The following KCNH8 variants were observed in gnomAD, a reference collection of about 807,000 sequenced individuals.
The protein encoded by KCNH8 is voltage-gated delayed rectifier potassium channel KCNH8.
KCNH8 carries 70 observed loss-of-function variants against 103.6 expected under a neutral mutation model. The observed-to-expected ratio is 0.68, with a 90% confidence interval of 0.56 to 0.82. KCNH8 has a LOEUF of 0.82. KCNH8 is among the 40% of genes least tolerant of loss of function. The pLI, the probability that KCNH8 is intolerant of heterozygous loss-of-function variation, is 0.00. For synonymous variants in KCNH8, 498 were observed against 489.4 expected (o/e 1.02, Z -0.23); for missense variants, 1,217 against 1,329.9 (o/e 0.92, Z 1.32).
At chr3:19,192,355 G>A (rs536430218) in intron 1 of KCNH8, among the ~76,000 whole-genome samples, 78 of 151,662 alleles carry the variant, frequency 5.1e-4, no homozygotes, top group African/African-American at 1.7e-3. Context: ...CAACCTTAAA[G>A]AGTCAGCTAC....
intron 11 of KCNH8, among the ~76,000 whole-genome samples, chr3:19,477,402 A>G (rs1431090108): frequency 6.6e-6 from 1 of 151,630 alleles, no homozygotes; most frequent in Non-Finnish European, 1.5e-5. Flanking sequence ...TTAACAATGA[A>G]TGTGAGGATT....
chr3:19,370,767 A>T (rs1304998895), intron 5 of KCNH8, among the ~76,000 whole-genome samples: 1 of 28,368 alleles, frequency 3.5e-5, no homozygotes, highest in Non-Finnish European at 8.1e-5. Context: ...ACCTCCCCCC[A>T]CCCAACAACA....
At chr3:19,333,268 T>C (rs111752483) in intron 3 of KCNH8, among the ~76,000 whole-genome samples, 1,747 of 152,306 alleles carry the variant, frequency 0.011, 19 homozygotes, top group South Asian at 0.037. Context: ...GTCAGATTAG[T>C]GGTTTAGAAA....
intron 5 of KCNH8, among the ~76,000 whole-genome samples, chr3:19,353,164 C>A (rs1292692874): frequency 6.6e-5 from 10 of 152,144 alleles, no homozygotes; most frequent in Non-Finnish European, 1.5e-4. Flanking sequence ...GACACATACA[C>A]CCTCCCAAGG....
intron 1 of KCNH8, among the ~76,000 whole-genome samples, chr3:19,215,117 TC>T (rs2063806046): frequency 6.6e-6 from 1 of 152,326 alleles, no homozygotes; most frequent in Admixed American, 6.5e-5. Context: ...CCTTCCCAGT[TC>T]CTTGAAGTGA....
chr3:19,162,510 CAAAAAG>C (rs113270650), intron 1 of KCNH8, among the ~76,000 whole-genome samples: 5 of 148,842 alleles, frequency 3.4e-5, no homozygotes, highest in South Asian at 2.1e-4. Flanking sequence ...CCTTCTCAAA[CAAAAAG>C]AAAAAGAAAA....
chr3:19,157,447 T>G (rs2063191533), intron 1 of KCNH8, among the ~76,000 whole-genome samples: 2 of 152,140 alleles, frequency 1.3e-5, no homozygotes, highest in Non-Finnish European at 2.9e-5. Context: ...TGTCCTTCTC[T>G]CTCAACAAAT....
chr3:19,352,281 A>G (rs1413406008), intron 5 of KCNH8, among the ~76,000 whole-genome samples: 1 of 152,144 alleles, frequency 6.6e-6, no homozygotes, highest in Non-Finnish European at 1.5e-5. Context: ...CAGAATAATA[A>G]TGGGAGACTT....
chr3:19,181,366 A>G (rs970502480), intron 1 of KCNH8, among the ~76,000 whole-genome samples: 1 of 152,180 alleles, frequency 6.6e-6, no homozygotes, highest in African/African-American at 2.4e-5. Context: ...AGCAGAAAGA[A>G]AGGAGGAGGA....
At chr3:19,371,157 T>C (rs1442758747) in intron 5 of KCNH8, among the ~76,000 whole-genome samples, 2 of 149,952 alleles carry the variant, frequency 1.3e-5, no homozygotes, top group African/African-American at 2.4e-5. Context: ...ATGGTATTTC[T>C]AGTTCTAGAT....
intron 5 of KCNH8, among the ~76,000 whole-genome samples, chr3:19,372,253 G>C (rs2125117152): frequency 6.6e-6 from 1 of 152,070 alleles, no homozygotes; most frequent in African/African-American, 2.4e-5. Flanking sequence ...AGCATGGAAT[G>C]TTCTTCCATT....
intron 3 of KCNH8, among the ~76,000 whole-genome samples, chr3:19,316,985 TC>T (rs1016395098): frequency 1.7e-4 from 26 of 151,978 alleles, no homozygotes; most frequent in Non-Finnish European, 7.4e-5. Flanking sequence ...CATCTTCTGT[TC>T]TTCTTTTTTC....
chr3:19,417,195 AAT>A (rs911870907), intron 7 of KCNH8, among the ~76,000 whole-genome samples: 309 of 147,886 alleles, frequency 2.1e-3, no homozygotes, highest in Non-Finnish European at 3.8e-3. Context: ...ATTTTGGAAG[AAT>A]ATATATATAT....
intron 5 of KCNH8, among the ~76,000 whole-genome samples, chr3:19,369,965 T>A (rs1243289059): frequency 1.3e-5 from 2 of 152,004 alleles, no homozygotes; most frequent in African/African-American, 4.8e-5. Flanking sequence ...TATAAATAGG[T>A]TTTTGTTGCT....
intron 1 of KCNH8, among the ~76,000 whole-genome samples, chr3:19,204,191 G>A (rs1038273243): frequency 1.1e-4 from 17 of 151,898 alleles, no homozygotes; most frequent in African/African-American, 2.9e-4. Flanking sequence ...TGATTCTACC[G>A]GCAACTGAAG....
intron 8 of KCNH8, among the ~76,000 whole-genome samples, chr3:19,440,258 A>T (rs1209967575): frequency 6.6e-6 from 1 of 152,140 alleles, no homozygotes; most frequent in Non-Finnish European, 1.5e-5. Flanking sequence ...GAAGAAGAGA[A>T]CTAGCTAGAT....
intron 11 of KCNH8, among the ~76,000 whole-genome samples, chr3:19,482,246 T>C (rs935323599): frequency 3.3e-5 from 5 of 152,190 alleles, no homozygotes; most frequent in Non-Finnish European, 7.3e-5. Flanking sequence ...CAGGGGTCAG[T>C]CTTTAACTAC....
chr3:19,262,141 A>G (rs2064445148), intron 2 of KCNH8, among the ~76,000 whole-genome samples: 1 of 151,512 alleles, frequency 6.6e-6, no homozygotes, highest in African/African-American at 2.4e-5. Context: ...CTGTCTGTGG[A>G]TATGTCATTG....
At chr3:19,179,295 A>G (rs916212886) in intron 1 of KCNH8, among the ~76,000 whole-genome samples, 1 of 152,092 alleles carries the variant, frequency 6.6e-6, no homozygotes, top group African/African-American at 2.4e-5. Flanking sequence ...TAAAGACAAA[A>G]TATTTGGCTT....
Sources: gnomAD v4.1 joint callset for allele counts (sites outside exome capture counted in the v4.1 genomes callset) on GRCh38, gnomAD v4.1.1 for gene constraint, MANE v1.5 for transcripts, NCBI Gene and HGNC (gene_info 2026-07-23, HGNC 2026-07-21) for gene names.